Variants in SKAP2 observed in about 807,000 individuals in gnomAD.
SKAP2 encodes src kinase associated phosphoprotein 2.
Under a neutral mutation model 54.9 loss-of-function variants are expected in SKAP2, and 28 were observed. The observed-to-expected ratio is 0.51, with a 90% CI of 0.38 to 0.70. The LOEUF (loss-of-function observed/expected upper bound fraction) is 0.70, where lower values mean the gene tolerates loss of function less well. Ranked by LOEUF, SKAP2 falls within the 30% of genes least tolerant of loss-of-function variation. SKAP2 has a pLI of 0.00. For synonymous variants in SKAP2, 137 were observed against 134.3 expected, an observed-to-expected ratio of 1.02 and a Z score of -0.14; for missense variants, 356 against 424.1, an observed-to-expected ratio of 0.84 and a Z score of 1.41.
At chr7:26,820,193 T>TA (rs1784360888) in intron 4 of SKAP2, among the ~76,000 whole-genome samples, 2 of 152,162 alleles carry the variant, frequency 1.3e-5, no homozygotes, top group South Asian at 2.1e-4. Flanking sequence ...TCTTATCTCT[T>TA]AAAAAATCAA....
At chr7:26,683,223 C>T (rs1192794913) in intron 11 of SKAP2, among the ~76,000 whole-genome samples, 1 of 152,192 alleles carries the variant, frequency 6.6e-6, no homozygotes, top group Non-Finnish European at 1.5e-5. Context: ...GGAGCTGAAA[C>T]TAATCAGTTT....
intron 4 of SKAP2, among the ~76,000 whole-genome samples, chr7:26,745,484 G>A (rs1562595182): frequency 6.6e-6 from 1 of 152,124 alleles, no homozygotes; most frequent in Non-Finnish European, 1.5e-5. Context: ...CCATAAATTG[G>A]CCACCTCCTG....
chr7:26,676,295 G>GT (rs1786347943), intron 11 of SKAP2, among the ~76,000 whole-genome samples: 1 of 152,178 alleles, frequency 6.6e-6, no homozygotes, highest in South Asian at 2.1e-4. Context: ...AGAAATTCAT[G>GT]TAAGAATATT....
rs1444962448 is a variant in SKAP2, at chr7:26,806,048, T to C, written c.307+37982A>G. Among the ~76,000 whole-genome samples the C allele has an allele frequency of 3.3e-5, 5 of 152,182 alleles. 1 individual carries two copies. The highest frequency in any genetic ancestry group is 1.2e-4 in the African/African-American group (5 of 41,426). On this transcript the variant is annotated intron_variant, in intron 4 of 12. Transcript: ENST00000345317. ...GATCTATAGTTACCATTGTAATTGT[T>C]TTGGGAACCATGAGCCACACCCATA...
At chr7:26,763,159 GAAT>G (rs1361091565) in intron 4 of SKAP2, among the ~76,000 whole-genome samples, 2 of 151,990 alleles carry the variant, frequency 1.3e-5, no homozygotes. Flanking sequence ...TTACTTGCTT[GAAT>G]ATAAATAAAA....
intron 4 of SKAP2, chr7:26,742,400 G>A (rs1782472646): frequency 6.6e-6 from 1 of 152,116 alleles, no homozygotes; most frequent in South Asian, 2.1e-4. Context: ...AGAGAGAGAT[G>A]GGAAGAAGGG....
chr7:26,763,728 T>G (rs1192227217), intron 4 of SKAP2, among the ~76,000 whole-genome samples: 3 of 152,170 alleles, frequency 2.0e-5, no homozygotes, highest in Non-Finnish European at 4.4e-5. Context: ...TTTGTCATTG[T>G]ATAAACATCA....
chr7:26,764,949 A>G (rs887478787), intron 4 of SKAP2, among the ~76,000 whole-genome samples: 2 of 152,232 alleles, frequency 1.3e-5, no homozygotes, highest in Non-Finnish European at 2.9e-5. Context: ...ATACATGTGC[A>G]TGTGTCTTTA....
chr7:26,776,804 C>T (rs1783320248), intron 4 of SKAP2, among the ~76,000 whole-genome samples: 1 of 152,190 alleles, frequency 6.6e-6, no homozygotes, highest in South Asian at 2.1e-4. Context: ...GCATTAAGAT[C>T]TTACAATGGC....
chr7:26,792,492 T>C (rs1005330321), intron 4 of SKAP2, among the ~76,000 whole-genome samples: 1 of 152,212 alleles, frequency 6.6e-6, no homozygotes, highest in African/African-American at 2.4e-5. Flanking sequence ...ATTAATAATT[T>C]AGTCTAATGA....
At chr7:26,750,209 T>C (rs2127966065) in intron 4 of SKAP2, among the ~76,000 whole-genome samples, 1 of 152,192 alleles carries the variant, frequency 6.6e-6, no homozygotes, top group East Asian at 1.9e-4. Flanking sequence ...TTAAAGCAAT[T>C]ACCATTATTT....
At chr7:26,799,222 A>C (rs1476582588) in intron 4 of SKAP2, among the ~76,000 whole-genome samples, 1 of 151,988 alleles carries the variant, frequency 6.6e-6, no homozygotes, top group Non-Finnish European at 1.5e-5. Flanking sequence ...TATCAATAAT[A>C]CCATTGAATG....
intron 9 of SKAP2, among the ~76,000 whole-genome samples, chr7:26,704,369 A>G (rs1006633796): frequency 1.3e-5 from 2 of 152,214 alleles, no homozygotes; most frequent in Non-Finnish European, 2.9e-5. Context: ...GAGCAGCTTC[A>G]ATCCTAGCCA....
At chr7:26,792,712 C>A (rs927775098) in intron 4 of SKAP2, among the ~76,000 whole-genome samples, 6 of 152,046 alleles carry the variant, frequency 3.9e-5, no homozygotes, top group Non-Finnish European at 8.8e-5. Context: ...CCAAGATCTA[C>A]AGAAATAAAG....
chr7:26,711,396 A>C (rs1787300348), intron 9 of SKAP2, among the ~76,000 whole-genome samples: 1 of 152,226 alleles, frequency 6.6e-6, no homozygotes, highest in African/African-American at 2.4e-5. Flanking sequence ...CCTTGCAGAT[A>C]GTGAGATATG....
intron 6 of SKAP2, among the ~76,000 whole-genome samples, chr7:26,729,035 T>C (rs976324100): frequency 6.6e-6 from 1 of 152,180 alleles, no homozygotes; most frequent in Non-Finnish European, 1.5e-5. Flanking sequence ...AGATTTAGTT[T>C]GGAAGAGCTG....
At chr7:26,814,472 C>T (rs550820454) in intron 4 of SKAP2, among the ~76,000 whole-genome samples, 7 of 151,476 alleles carry the variant, frequency 4.6e-5, no homozygotes, top group Non-Finnish European at 1.0e-4. Flanking sequence ...TCTGTAAAGT[C>T]CAGTTTGTAG....
chr7:26,851,530 T>C (rs866444185), intron 3 of SKAP2, among the ~76,000 whole-genome samples: 13 of 151,908 alleles, frequency 8.6e-5, no homozygotes, highest in South Asian at 8.3e-4. Context: ...AACACTTGGA[T>C]ACAGGAAGGC....
intron 9 of SKAP2, among the ~76,000 whole-genome samples, chr7:26,705,567 G>A (rs1178541329): frequency 6.6e-6 from 1 of 152,158 alleles, no homozygotes; most frequent in Non-Finnish European, 1.5e-5. Flanking sequence ...AGTGATTAAA[G>A]AATTCAGGCG....
Sources: gnomAD v4.1 joint callset for allele counts (sites outside exome capture counted in the v4.1 genomes callset) on GRCh38, gnomAD v4.1.1 for gene constraint, MANE v1.5 for transcripts, NCBI Gene and HGNC (gene_info 2026-07-23, HGNC 2026-07-21) for gene names.